The following PTK2 variants were observed in gnomAD, a reference collection of about 807,000 sequenced individuals.
PTK2 encodes the protein protein tyrosine kinase 2.
Under a neutral mutation model 150.1 loss-of-function variants are expected in PTK2, and 45 were observed. The ratio of observed to expected loss-of-function variants is 0.30; its 90% confidence interval spans 0.24 to 0.38. PTK2 has a LOEUF of 0.38. PTK2 is among the 10% of genes least tolerant of loss of function. The pLI is 1.00. For synonymous variants in PTK2, 432 were observed against 449.2 expected, an observed-to-expected ratio of 0.96 and a Z score of 0.48; for missense variants, 919 against 1,307.3, an observed-to-expected ratio of 0.70 and a Z score of 4.58.
intron 4 of PTK2, among the ~76,000 whole-genome samples, chr8:140,875,277 A>G (rs1156591103): frequency 2.0e-5 from 3 of 152,208 alleles, no homozygotes; most frequent in African/African-American, 7.2e-5. Context: ...ACGATAAAGG[A>G]AAAAAGGGAG....
Position 140,879,651 on chromosome 8 carries a change from C to T in PTK2, c.196-14G>A. On this transcript the variant is annotated splice_polypyrimidine_tract_variant and intron_variant, in intron 3 of 31. Transcript: ENST00000522684. ...CTGAATGATGCCCTAAAACATACCC[C>T]CCACAAGAATGACTGTTATAAACTG... is the stretch of plus-strand genomic sequence containing the variant. 9.8e-7 allele frequency: 1 copy of T among 1,024,702 alleles called. No homozygotes were observed. The highest frequency in any genetic ancestry group is 1.3e-6 in the Non-Finnish European group (1 of 762,056). 63.5% of individuals were successfully genotyped at this position (1,024,702 alleles called of 1,614,324 possible).
In PTK2 at chr8:140,686,791, C is replaced by T. The variant is rs976961066; in HGVS notation, c.2500-97G>A. ...ATTCCTTCCTTTTTAACACAATTGT[C>T]CTCTGAATAAGAAGAGTTGAAAGTT... On this transcript the variant is annotated intron_variant, in intron 26 of 31. Transcript: ENST00000522684. 4.7e-5 allele frequency: 49 copies of T among 1,045,494 alleles called. 1 individual carries two copies. The East Asian group carries it at 6.5e-4, about 14-fold the overall frequency. 64.8% of individuals were successfully genotyped at this position (1,045,494 alleles called of 1,614,324 possible).
intron 29 of PTK2, among the ~76,000 whole-genome samples, chr8:140,672,320 C>T (rs1736233072): frequency 6.6e-6 from 1 of 152,154 alleles, no homozygotes; most frequent in African/African-American, 2.4e-5. Flanking sequence ...TAGAGGTGCG[C>T]CACCATGTCT....
intron 31 of PTK2, 38 bp downstream of exon 35, chr8:140,664,879 C>T (rs1588896760): frequency 1.9e-6 from 3 of 1,579,300 alleles, no homozygotes; most frequent in Non-Finnish European, 2.6e-6. Flanking sequence ...CTGCCCAGTG[C>T]TGTCACAGAG....
intron 14 of PTK2, among the ~76,000 whole-genome samples, chr8:140,786,374 C>T (rs531944607): frequency 2.6e-5 from 4 of 152,218 alleles, no homozygotes; most frequent in African/African-American, 7.2e-5. Flanking sequence ...CCACATAGTA[C>T]GGTGTTTCCA....
chr8:140,895,322 GT>G (rs1349923131), intron 2 of PTK2, among the ~76,000 whole-genome samples: 1 of 152,066 alleles, frequency 6.6e-6, no homozygotes, highest in African/African-American at 2.4e-5. Context: ...GAGGCCAGGA[GT>G]TCAAGACCTG....
chr8:140,999,182 T>G lies in PTK2; in HGVS notation c.-122+1943A>C, dbSNP rs147333600. Among the ~76,000 whole-genome samples the G allele has an allele frequency of 6.0e-3, 908 of 152,384 alleles. 10 individuals carry two copies. Among genetic ancestry groups the G allele is most frequent in the African/African-American group, 0.021 (865 of 41,590 alleles). ...TGGAGTTTTGATTTCCATGTCTTTA[T>G]TTAACCAATGACTTGCTTCTTGATG... On this transcript the variant is annotated intron_variant, in intron 1 of 31. Coordinates refer to ENST00000522684, the Ensembl canonical transcript of PTK2.
intron 14 of PTK2, among the ~76,000 whole-genome samples, chr8:140,766,087 C>T (rs1250996326): frequency 6.6e-6 from 1 of 152,122 alleles, no homozygotes; most frequent in East Asian, 1.9e-4. Flanking sequence ...TTTGGGAGAG[C>T]CACTCAAACT....
At chr8:140,965,556 G>A (rs1215525314) in intron 1 of PTK2, among the ~76,000 whole-genome samples, 7 of 152,160 alleles carry the variant, frequency 4.6e-5, no homozygotes, top group Non-Finnish European at 8.8e-5. Flanking sequence ...TGCCTTTTCT[G>A]TCAGTCTCTT....
chr8:140,894,551 A>G (rs1230128070), intron 2 of PTK2, among the ~76,000 whole-genome samples: 30 of 152,232 alleles, frequency 2.0e-4, no homozygotes, highest in Admixed American at 1.9e-3. Flanking sequence ...CTGCTGGGGG[A>G]AAAACAAAAG....
chr8:140,921,711 A>G (rs896843220), intron 2 of PTK2, among the ~76,000 whole-genome samples: 2 of 152,214 alleles, frequency 1.3e-5, no homozygotes, highest in Non-Finnish European at 2.9e-5. Flanking sequence ...GGGAATATTG[A>G]GGTATCCAAG....
intron 22 of PTK2, among the ~76,000 whole-genome samples, chr8:140,722,759 T>C (rs775158921): frequency 1.3e-5 from 2 of 152,114 alleles, no homozygotes; most frequent in Non-Finnish European, 2.9e-5. Context: ...CAGTCAGAGT[T>C]TGTAAAAGTT....
chr8:140,674,331 G>C (rs1458778686), exon 29 of PTK2: 2 of 1,607,626 alleles, frequency 1.2e-6, no homozygotes, highest in African/African-American at 2.7e-5. Context: ...CAGCAGGGCT[G>C]CTGAGGCTGG....
In PTK2 at chr8:140,815,386, G is replaced by A. The variant is rs146589888; in HGVS notation, c.867+2891C>T. Among the ~76,000 whole-genome samples the A allele has an allele frequency of 5.7e-3, 861 of 152,074 alleles. 7 individuals carry two copies. The highest frequency in any genetic ancestry group is 9.1e-3 in the Non-Finnish European group (621 of 67,980). ...GATGAGAACACAAGGACACACAGAG[G>A]GCAACAACAGACACTGGGGCCTACC... On this transcript the variant is annotated intron_variant, in intron 10 of 31. Transcript: ENST00000522684.
chr8:140,861,344 G>C (rs762587111), intron 5 of PTK2, among the ~76,000 whole-genome samples: 7 of 152,080 alleles, frequency 4.6e-5, no homozygotes, highest in African/African-American at 7.2e-5. Flanking sequence ...GCAAGACCCT[G>C]TCTCTATAAA....
chr8:140,892,440 G>A (rs931780873), intron 2 of PTK2, among the ~76,000 whole-genome samples: 1 of 152,244 alleles, frequency 6.6e-6, no homozygotes, highest in East Asian at 1.9e-4. Flanking sequence ...GGAGGCTGAG[G>A]GGGGAGGATC....
chr8:140,814,661 A>G (rs1479069698), intron 10 of PTK2, among the ~76,000 whole-genome samples: 3 of 152,240 alleles, frequency 2.0e-5, no homozygotes, highest in African/African-American at 7.2e-5. Flanking sequence ...TGTACCTCAC[A>G]ATAATACATA....
At chr8:140,789,587 C>A in intron 13 of PTK2, 61 bp from the exon 14 acceptor site, 1 of 1,546,674 alleles carries the variant, frequency 6.5e-7, no homozygotes, top group Non-Finnish European at 8.8e-7. Flanking sequence ...CGCAACTCGG[C>A]CTCATCAAGT....
chr8:140,990,855 C>CA (rs892203853), intron 1 of PTK2, among the ~76,000 whole-genome samples: 3 of 152,110 alleles, frequency 2.0e-5, no homozygotes, highest in African/African-American at 7.2e-5. Flanking sequence ...GGGGCTTTCA[C>CA]ATATCTATAT....
Sources: allele counts gnomAD v4.1 joint callset (sites outside exome capture counted in the v4.1 genomes callset), GRCh38; gene constraint gnomAD v4.1.1; transcripts MANE v1.5; gene names NCBI Gene and HGNC (gene_info 2026-07-23, HGNC 2026-07-21).